SLC7A8: variants seen among roughly 807,000 people sequenced by gnomAD.
The protein encoded by SLC7A8 is large neutral amino acids transporter small subunit 2.
A neutral mutation model predicts 51.2 loss-of-function variants in SLC7A8; 30 were observed. The observed-to-expected ratio is 0.59, with a 90% CI of 0.44 to 0.80. SLC7A8 has a LOEUF of 0.80. SLC7A8 is among the 30% of genes least tolerant of loss of function. SLC7A8 has a pLI of 0.00. For missense variants in SLC7A8, 612 were observed against 674.4 expected (o/e 0.91, Z 1.03); for synonymous variants, 257 against 275.8 (o/e 0.93, Z 0.67).
intron 7 of SLC7A8, among the ~76,000 whole-genome samples, chr14:23,135,680 C>A (rs193100426): frequency 6.7e-6 from 1 of 149,432 alleles, no homozygotes. Flanking sequence ...CCAGCCTGGG[C>A]GACAGAGCGA....
intron 7 of SLC7A8, 94 bp downstream of exon 7, chr14:23,137,827 G>A (rs1330569670): frequency 6.7e-7 from 1 of 1,491,192 alleles, no homozygotes; most frequent in African/African-American, 1.4e-5. Context: ...TGCCCACACA[G>A]ACCCCTGCTG....
chr14:23,146,950 G>T (rs1278906829), intron 3 of SLC7A8: 1 of 152,194 alleles, frequency 6.6e-6, no homozygotes, highest in African/African-American at 2.4e-5. Flanking sequence ...TGCGGACGAT[G>T]ATATTCTAGA....
Position 23,166,423 on chromosome 14 carries a change from G to T in SLC7A8, c.269C>A (p.Ala90Asp), listed in dbSNP as rs751324504. The T allele has an allele frequency of 6.8e-6, 11 of 1,614,156 alleles. No individual in the cohort carries two copies. The highest frequency in any genetic ancestry group is 1.1e-5 in the South Asian group (1 of 91,086). Residue 90 changes from alanine to aspartate, a missense_variant, in exon 2 of 11, where the codon GCC becomes GAC. Coordinates refer to ENST00000316902, the MANE Select transcript of SLC7A8 (RefSeq NM_012244.4). ...GACCCCGAGTTCAGCATAGCAGAGGGCTCCCACAACTGTGATGAAGCCCGT... is the reference window on the plus strand; with the variant it reads ...GACCCCGAGTTCAGCATAGCAGAGGTCTCCCACAACTGTGATGAAGCCCGT... ...IVTGFITVVG[A>D]LCYAELGVTI...
rs2048616277 is a variant in SLC7A8, at chr14:23,129,854, T to C, written c.1114-55A>G. 6 of 1,598,166 alleles carry C rather than the reference T, an allele frequency of 3.8e-6. No individual in the cohort carries two copies. The South Asian group carries it at 6.7e-5, about 18-fold the overall frequency. ...TCCGAAAGATATTCAGAGACTGGTATTACAGATTAGGGGCTGTCCCCCAGC... is the reference window on the plus strand; with the variant it reads ...TCCGAAAGATATTCAGAGACTGGTACTACAGATTAGGGGCTGTCCCCCAGC... On this transcript the variant is annotated intron_variant, in intron 8 of 10. Coordinates refer to ENST00000316902, the MANE Select transcript of SLC7A8 (RefSeq NM_012244.4).
chr14:23,169,449 C>T (rs1252631383), intron 1 of SLC7A8, among the ~76,000 whole-genome samples: 1 of 152,228 alleles, frequency 6.6e-6, no homozygotes, highest in Non-Finnish European at 1.5e-5. Context: ...GCCTGTCGCC[C>T]AGGCTGGAGT....
At chr14:23,135,021 C>T (rs1035579370) in intron 7 of SLC7A8, among the ~76,000 whole-genome samples, 1 of 152,214 alleles carries the variant, frequency 6.6e-6, no homozygotes, top group African/African-American at 2.4e-5. Context: ...TCCACCTTGC[C>T]TTCCCAAAGC....
At chr14:23,161,481 A>ATATG (rs2048921803) in intron 3 of SLC7A8, among the ~76,000 whole-genome samples, 1 of 69,218 alleles carries the variant, frequency 1.4e-5, no homozygotes, top group East Asian at 2.4e-4. Context: ...TGTTTACGCC[A>ATATG]CACCGGAACT....
At chr14:23,177,524 C>T (rs915688349) in intron 1 of SLC7A8, among the ~76,000 whole-genome samples, 43 of 152,228 alleles carry the variant, frequency 2.8e-4, no homozygotes, top group African/African-American at 9.9e-4. Flanking sequence ...GTTCTTTGCT[C>T]AATTAAACAC....
chr14:23,140,396 A>G, intron 5 of SLC7A8, 75 bp downstream of exon 5: 2 of 1,479,564 alleles, frequency 1.4e-6, no homozygotes, highest in Non-Finnish European at 1.8e-6. Flanking sequence ...GGCAATGGAC[A>G]CCTGCTCCCT....
At chr14:23,133,934 A>G (rs2048664236) in intron 7 of SLC7A8, among the ~76,000 whole-genome samples, 1 of 152,136 alleles carries the variant, frequency 6.6e-6, no homozygotes, top group African/African-American at 2.4e-5. Flanking sequence ...ACTGAAAACT[A>G]TAATGCAAAT....
Position 23,165,579 on chromosome 14 carries a change from A to ACCCAG in SLC7A8, c.357-148_357-144dup. The ACCCAG allele has an allele frequency of 1.3e-6, 1 of 753,686 alleles. No individual in the cohort carries two copies. Among genetic ancestry groups the ACCCAG allele is most frequent in the Non-Finnish European group, 2.0e-6 (1 of 491,484 alleles). The allele number at this position is 753,686 out of a possible 1,614,324, so 46.7% of individuals were successfully genotyped here. On this transcript the variant is annotated intron_variant, in intron 2 of 10. Coordinates refer to ENST00000316902, the MANE Select transcript of SLC7A8 (RefSeq NM_012244.4). The surrounding 1 kb of genome is among the most constrained non-coding windows in gnomAD (Gnocchi z 4.2). ...CTCTGCCCCCACCCACAAATGAGAC[A>ACCCAG]CCCAGCCCTCTGCAGTGACAATAAA... is the stretch of plus-strand genomic sequence containing the variant.
At chr14:23,154,474 C>T in intron 3 of SLC7A8, 2 of 986,336 alleles carry the variant, frequency 2.0e-6, no homozygotes, top group Non-Finnish European at 2.4e-6. Flanking sequence ...ATTGGCTGCA[C>T]CGAGTTCCTT....
At chr14:23,143,329 A>T in intron 3 of SLC7A8, 125 bp from the exon 4 acceptor site, 1 of 1,344,274 alleles carries the variant, frequency 7.4e-7, no homozygotes, top group Non-Finnish European at 1.0e-6. Context: ...CCAGACATCC[A>T]GCAAGCTCAA....
At chr14:23,150,435 C>T (rs919289104) in intron 3 of SLC7A8, among the ~76,000 whole-genome samples, 4 of 152,148 alleles carry the variant, frequency 2.6e-5, no homozygotes, top group South Asian at 2.1e-4. Flanking sequence ...GAGGCAGAGT[C>T]GGCTCTCTCA....
chr14:23,144,939 T>C (rs1425545727), intron 3 of SLC7A8, among the ~76,000 whole-genome samples: 6 of 151,030 alleles, frequency 4.0e-5, no homozygotes, highest in South Asian at 4.2e-4. Flanking sequence ...TTTTCTTTTT[T>C]TTTTTTTTTC....
chr14:23,155,403 T>C, intron 3 of SLC7A8: 2 of 1,470,738 alleles, frequency 1.4e-6, no homozygotes, highest in Non-Finnish European at 1.8e-6. Context: ...CCTTCCTTCT[T>C]ATCCTGTTAG....
Position 23,125,890 on chromosome 14 carries a change from G to C in SLC7A8, c.*1287C>G, listed in dbSNP as rs1221358522. 1 of 152,766 alleles carries C rather than the reference G, an allele frequency of 6.5e-6. No individual in the cohort carries two copies. Among genetic ancestry groups the C allele is most frequent in the African/African-American group, 2.4e-5 (1 of 41,450 alleles). 9.5% of individuals were successfully genotyped at this position (152,766 alleles called of 1,614,324 possible). A position where few individuals can be genotyped will look rare whatever the true frequency, so the allele number is the denominator to read the frequency against. ...AGGTCAGAGGCTGCCAGCCACAGAG[G>C]AGGGCCTTTTTTGAGGATCTCCAGA... On this transcript the variant is annotated 3_prime_UTR_variant, in exon 11 of 11. Coordinates refer to ENST00000316902, the MANE Select transcript of SLC7A8 (RefSeq NM_012244.4).
Position 23,162,737 on chromosome 14 carries a change from C to T in SLC7A8, c.508+2548G>A, listed in dbSNP as rs183355160. ...GTCCGAGGGGACGCCAAAAAGGCTA[C>T]ACTACTTTGGAGGGTCTTTGTGCAA... On this transcript the variant is annotated intron_variant, in intron 3 of 10. Transcript: ENST00000316902. Among the ~76,000 whole-genome samples, 190 of 152,296 alleles carry T rather than the reference C, an allele frequency of 1.2e-3. 1 individual carries two copies. The highest frequency in any genetic ancestry group is 0.011 in the Admixed American group (162 of 15,302).
chr14:23,143,106 T>G lies in SLC7A8; in HGVS notation c.607A>C (p.Ile203Leu). ...TTGCATATCTGTACAATCCCCATGATGATAATCAGGGCCAAGGCCAGGAGC... is the reference window on the plus strand; with the variant it reads ...TTGCATATCTGTACAATCCCCATGAGGATAATCAGGGCCAAGGCCAGGAGC... The part of the protein sequence containing the change: ...GKLLALALII[I>L]MGIVQICKGE... Residue 203 changes from isoleucine to leucine, a missense_variant, in exon 4 of 11, where the codon ATC becomes CTC. Coordinates refer to ENST00000316902, the MANE Select transcript of SLC7A8 (RefSeq NM_012244.4). The G allele has an allele frequency of 1.2e-6, 2 of 1,614,180 alleles. No individual in the cohort carries two copies. The highest frequency in any genetic ancestry group is 1.7e-6 in the Non-Finnish European group (2 of 1,180,036).
Sources: allele counts gnomAD v4.1 joint callset (sites outside exome capture counted in the v4.1 genomes callset), GRCh38; gene constraint gnomAD v4.1.1; non-coding constraint Gnocchi (gnomAD v3.1); transcripts MANE v1.5; gene names NCBI Gene and HGNC (gene_info 2026-07-23, HGNC 2026-07-21).